ANKRD27: variants seen among roughly 807,000 people sequenced by gnomAD.
ANKRD27 encodes the protein ankyrin repeat domain-containing protein 27.
A neutral mutation model predicts 129.7 loss-of-function variants in ANKRD27; 112 were observed. The ratio of observed to expected loss-of-function variants is 0.86; its 90% CI spans 0.74 to 1.01. The LOEUF is 1.01. Ranked by LOEUF, ANKRD27 falls within the 50% of genes least tolerant of loss-of-function variation. The pLI is 0.00. For synonymous variants in ANKRD27, 516 were observed against 511.2 expected (o/e 1.01, Z -0.13); for missense variants, 1,258 against 1,300.5 (o/e 0.97, Z 0.50).
chr19:32,635,113 G>T (rs978855520), intron 12 of ANKRD27, among the ~76,000 whole-genome samples: 4 of 152,182 alleles, frequency 2.6e-5, no homozygotes, highest in Non-Finnish European at 4.4e-5. Context: ...GCAGAAGACA[G>T]CCACGCTACA....
At chr19:32,651,892 A>G (rs1463804673) in intron 2 of ANKRD27, among the ~76,000 whole-genome samples, 5 of 152,122 alleles carry the variant, frequency 3.3e-5, no homozygotes, top group East Asian at 1.9e-4. Context: ...CCTTCCCCCA[A>G]CTAGTTTTCT....
intron 4 of ANKRD27, among the ~76,000 whole-genome samples, chr19:32,645,255 TA>T (rs199965494): frequency 0.013 from 1,949 of 151,742 alleles, 47 homozygotes; most frequent in African/African-American, 0.044. Flanking sequence ...CTACTAAAAA[TA>T]AAAAAATTAG....
rs1385844156 is a variant in ANKRD27 at position 32,656,113 on chromosome 19, A to AAAGAAAGAAAG, written c.102+2800_102+2801insCTTTCTTTCTT. Among the ~76,000 whole-genome samples, 6 of 113,768 alleles carry AAAGAAAGAAAG rather than the reference A, an allele frequency of 5.3e-5. No individual in the cohort carries two copies. The East Asian group carries it at 1.2e-3, about 23-fold the overall frequency. 74.6% of individuals were successfully genotyped at this position (113,768 alleles called of 152,430 possible). A position where few individuals can be genotyped will look rare whatever the true frequency, so the allele number is the denominator to read the frequency against. On this transcript the variant is annotated intron_variant, in intron 2 of 28. Coordinates refer to ENST00000306065, the MANE Select transcript of ANKRD27 (RefSeq NM_032139.3). ...AAAGAAAGAAAGAAAGAAAGAAAAG[A>AAAGAAAGAAAG]AAAGAAAAGAAAAGAAAAGAAAAGA...
At chr19:32,621,752 C>A (rs1263861214) in intron 18 of ANKRD27, among the ~76,000 whole-genome samples, 2 of 152,170 alleles carry the variant, frequency 1.3e-5, no homozygotes, top group African/African-American at 4.8e-5. Flanking sequence ...TGCAGATATT[C>A]TGGACGTCCA....
intron 12 of ANKRD27, chr19:32,637,789 A>G (rs1599757203): frequency 6.6e-6 from 1 of 152,214 alleles, no homozygotes; most frequent in Non-Finnish European, 1.5e-5. Context: ...GCTCCTCCCC[A>G]CTCCTGGCAC....
At position 32,636,723 on chromosome 19, in the gene ANKRD27, C is replaced by CTCTATATA. The variant is rs1303688619; in HGVS notation, c.1116+2632_1116+2633insTATATAGA. Among the ~76,000 whole-genome samples the CTCTATATA allele has an allele frequency of 3.5e-5, 5 of 143,286 alleles. No individual in the cohort carries two copies. The East Asian group carries it at 8.2e-4, about 24-fold the overall frequency. 94.0% of individuals were successfully genotyped at this position (143,286 alleles called of 152,430 possible). On this transcript the variant is annotated intron_variant, in intron 12 of 28. Transcript: ENST00000306065. Reference sequence around the variant, plus strand: ...GAAAAAAACAGTTCTCTCTCTCTCTCTATATATATATATATATTTTTTATA... The same window carrying CTCTATATA: ...GAAAAAAACAGTTCTCTCTCTCTCTCTCTATATATATATATATATATATATTTTTTATA...
chr19:32,643,421 C>A lies in ANKRD27; in HGVS notation c.639+10G>T. ...GGGTGTGCCTCCCAGCCACTCCGCC[C>A]CACCCTCACCTCCACTGCCTGCTTC... On this transcript the variant is annotated intron_variant, in intron 7 of 28. Coordinates refer to ENST00000306065, the MANE Select transcript of ANKRD27 (RefSeq NM_032139.3). 1 of 1,613,806 alleles carries A rather than the reference C, an allele frequency of 6.2e-7. No homozygotes were observed.
In ANKRD27 at chr19:32,607,664, G is replaced by A. The variant is rs747257933; in HGVS notation, c.2344C>T (p.His782Tyr). The change falls in exon 23 of 29, where the codon CAC becomes TAC. Residue 782 changes from histidine to tyrosine, a missense_variant. Coordinates refer to ENST00000306065, the MANE Select transcript of ANKRD27 (RefSeq NM_032139.3). ...ARNADQAVPL[H>Y]LACQQGHFQV... The stretch of plus-strand genomic sequence containing the variant: ...AAGTGGCCCTGCTGGCAGGCCAGGT[G>A]GAGCGGGACGGCTTGGTCTGCGTTC... The A allele has an allele frequency of 6.2e-7, 1 of 1,611,664 alleles. No homozygotes were observed. Among genetic ancestry groups the A allele is most frequent in the East Asian group, 2.2e-5 (1 of 44,862 alleles).
intron 24 of ANKRD27, 64 bp downstream of exon 24, chr19:32,605,771 C>T: frequency 6.3e-7 from 1 of 1,588,964 alleles, no homozygotes; most frequent in South Asian, 1.1e-5. Flanking sequence ...GCGGGGGTCG[C>T]TGGGTGGAGG....
intron 18 of ANKRD27, among the ~76,000 whole-genome samples, chr19:32,622,212 G>A (rs1020542988): frequency 1.3e-5 from 2 of 152,196 alleles, no homozygotes; most frequent in East Asian, 3.9e-4. Flanking sequence ...GGAGTTCCTG[G>A]AACAACCCTG....
rs372414887 is a variant in ANKRD27, at chr19:32,644,335, C to T, written c.515G>A (p.Arg172His). 20 of 1,612,632 alleles carry T rather than the reference C, an allele frequency of 1.2e-5. No individual in the cohort carries two copies. The highest frequency in any genetic ancestry group is 2.2e-5 in the East Asian group (1 of 44,878). ...AGCACGGCTACTGACTATGTGGTGA[C>T]GGAGGCTCTTTCTCTCGCATTCTCG... The part of the protein sequence containing the change: ...TFRECERKSL[R>H]HHIDSANALY... The change falls in exon 5 of 29, where the codon CGT becomes CAT. Residue 172 changes from arginine (R) to histidine (H), a missense_variant. By Grantham distance (29) the Arg-to-His change is conservative. Coordinates refer to ENST00000306065, the MANE Select transcript of ANKRD27 (RefSeq NM_032139.3).
chr19:32,614,387 C>T (rs1233531188), intron 22 of ANKRD27, among the ~76,000 whole-genome samples: 2 of 151,940 alleles, frequency 1.3e-5, no homozygotes, highest in East Asian at 3.8e-4. Context: ...TGAGACATTA[C>T]AAAACAAGAA....
At chr19:32,601,142 TACAAA>T (rs1356344098) in intron 26 of ANKRD27, among the ~76,000 whole-genome samples, 1 of 148,722 alleles carries the variant, frequency 6.7e-6, no homozygotes, top group East Asian at 2.0e-4. Context: ...CTACTAAAAA[TACAAA>T]AATTAGCCAG....
chr19:32,627,199 C>A (rs1359026014), intron 15 of ANKRD27, among the ~76,000 whole-genome samples: 1 of 151,982 alleles, frequency 6.6e-6, no homozygotes, highest in African/African-American at 2.4e-5. Context: ...TAGCACACAA[C>A]AGAATATTAT....
chr19:32,637,279 C>A lies in ANKRD27; in HGVS notation c.1116+2077G>T, dbSNP rs200986472. The A allele has an allele frequency of 2.0e-5, 3 of 152,156 alleles. No homozygotes were observed. The East Asian group carries it at 5.8e-4, about 29-fold the overall frequency. 9.4% of individuals were successfully genotyped at this position (152,156 alleles called of 1,614,324 possible). On this transcript the variant is annotated intron_variant, in intron 12 of 28. Transcript: ENST00000306065. ...TCCTTGGCACTCTCACCTTATAATA[C>A]AGAGATCTTTTCATTTTATAGATTT... is the stretch of plus-strand genomic sequence containing the variant.
Position 32,632,637 on chromosome 19 carries a change from T to A in ANKRD27, c.1117-1143A>T, listed in dbSNP as rs181990964. On this transcript the variant is annotated intron_variant, in intron 12 of 28. Coordinates refer to ENST00000306065, the MANE Select transcript of ANKRD27 (RefSeq NM_032139.3). ...ACTCTAGATACTTTCCATAATACTT[T>A]ATGAAATCATTTCTCGCAAGACAGT... Among the ~76,000 whole-genome samples, 911 of 150,770 alleles carry A rather than the reference T, an allele frequency of 6.0e-3. 3 individuals carry two copies. Among genetic ancestry groups the A allele is most frequent in the Non-Finnish European group, 0.01 (687 of 67,880 alleles).
chr19:32,649,830 G>T, intron 2 of ANKRD27, 38 bp from the exon 3 acceptor site: 1 of 1,331,238 alleles, frequency 7.5e-7, no homozygotes, highest in Non-Finnish European at 1.1e-6. Context: ...AGACAGACGT[G>T]CCATTTACCA....
intron 11 of ANKRD27, 131 bp downstream of exon 11, chr19:32,640,176 G>A: frequency 1.7e-6 from 1 of 594,746 alleles, no homozygotes; most frequent in Non-Finnish European, 3.1e-6. Flanking sequence ...TGTTAGCCAG[G>A]ATGGTCTCGA....
In ANKRD27 at chr19:32,646,548, A is replaced by G; in HGVS notation, c.281T>C (p.Ile94Thr). 6.2e-7 allele frequency: 1 copy of G among 1,614,190 alleles called. No individual in the cohort carries two copies. Among genetic ancestry groups the G allele is most frequent in the Non-Finnish European group, 8.5e-7 (1 of 1,180,022 alleles). Residue 94 changes from isoleucine to threonine, a missense_variant, in exon 4 of 29, where the codon ATT (isoleucine) becomes ACT (threonine). Coordinates refer to ENST00000306065, the MANE Select transcript of ANKRD27 (RefSeq NM_032139.3). ...AGFACLLSVP[I>T]LFEETFYNEK... ...ATTGTAGAAAGTTTCTTCAAAGAGAATGGGCACTGAGAGAAGACAGGCAAA... is the reference window on the plus strand; with the variant it reads ...ATTGTAGAAAGTTTCTTCAAAGAGAGTGGGCACTGAGAGAAGACAGGCAAA...
Sources: gnomAD v4.1 joint callset for allele counts (sites outside exome capture counted in the v4.1 genomes callset) on GRCh38, gnomAD v4.1.1 for gene constraint, MANE v1.5 for transcripts, NCBI Gene and HGNC (gene_info 2026-07-23, HGNC 2026-07-21) for gene names.